TTK: variants seen among roughly 807,000 people sequenced by gnomAD.
The protein encoded by TTK is TTK protein kinase, also known as dual specificity protein kinase TTK.
A neutral mutation model predicts 117.3 loss-of-function variants in TTK; 59 were observed. The ratio of observed to expected loss-of-function variants is 0.50; its 90% CI spans 0.41 to 0.62. TTK has a LOEUF of 0.62. Ranked by LOEUF, TTK falls within the 20% of genes least tolerant of loss-of-function variation. The probability of loss-of-function intolerance (pLI) is 0.00; values close to 1 mark genes in which losing one functional copy is unlikely to be tolerated. For missense variants in TTK, 921 were observed against 989.4 expected (o/e 0.93, Z 0.93); for synonymous variants, 302 against 325.0 (o/e 0.93, Z 0.76).
chr6:80,033,286 A>G (rs1767806580), intron 14 of TTK, among the ~76,000 whole-genome samples: 3 of 152,008 alleles, frequency 2.0e-5, no homozygotes, highest in Admixed American at 6.6e-5. Context: ...ATGACATCCT[A>G]TTTTCCTCTA....
rs951596710 is a variant in TTK at position 80,011,047 on chromosome 6, T to G, written c.613+90T>G. ...ATAATTTATAGAAAAATATTATTTATGTAGAATGGTTAAAATCTAAGATTA... is the reference window on the plus strand; with the variant it reads ...ATAATTTATAGAAAAATATTATTTAGGTAGAATGGTTAAAATCTAAGATTA... On this transcript the variant is annotated intron_variant, in intron 5 of 21. Transcript: ENST00000369798. 2.5e-5 allele frequency: 34 copies of G among 1,371,300 alleles called. No individual in the cohort carries two copies. In the African/African-American group the frequency reaches 4.9e-4, roughly 20 times the overall value. 84.9% of individuals were successfully genotyped at this position (1,371,300 alleles called of 1,614,324 possible). A position where few individuals can be genotyped will look rare whatever the true frequency, so the allele number is the denominator to read the frequency against.
At chr6:80,027,331 C>T (rs1216996304) in intron 12 of TTK, among the ~76,000 whole-genome samples, 4 of 151,962 alleles carry the variant, frequency 2.6e-5, no homozygotes, top group Admixed American at 6.6e-5. Flanking sequence ...ACTAAAATAG[C>T]GATAATAGAT....
chr6:80,036,732 A>G, intron 17 of TTK, 133 bp downstream of exon 17: 1 of 987,930 alleles, frequency 1.0e-6, no homozygotes, highest in East Asian at 2.9e-5. Flanking sequence ...TAATAAGAAT[A>G]GATTTAAAAA....
chr6:80,023,360 A>T (rs998190463), intron 11 of TTK, among the ~76,000 whole-genome samples: 1 of 152,214 alleles, frequency 6.6e-6, no homozygotes, highest in East Asian at 1.9e-4. Context: ...TTGGGAGGCC[A>T]AGGCGGGCAG....
chr6:80,027,445 A>T (rs1767635370), intron 12 of TTK, among the ~76,000 whole-genome samples: 1 of 152,200 alleles, frequency 6.6e-6, no homozygotes. Flanking sequence ...GCAAAAAGGC[A>T]AACAAAGCAC....
At chr6:80,008,796 G>A (rs73747963) in intron 4 of TTK, among the ~76,000 whole-genome samples, 10,521 of 152,028 alleles carry the variant, frequency 0.069, 409 homozygotes, top group South Asian at 0.12. Flanking sequence ...GTAGGAAGAA[G>A]GATATCAGAT....
chr6:80,028,789 A>T (rs907338518), intron 13 of TTK, among the ~76,000 whole-genome samples: 2 of 152,166 alleles, frequency 1.3e-5, no homozygotes, highest in Non-Finnish European at 2.9e-5. Flanking sequence ...TTTTTTGCTG[A>T]TGAGGCAAAA....
At position 80,005,981 on chromosome 6, in the gene TTK, A is replaced by T. The variant is rs752406282; in HGVS notation, c.138A>T (p.Thr46=). The T allele has an allele frequency of 1.9e-6, 3 of 1,601,386 alleles. No individual in the cohort carries two copies. The change falls in exon 2 of 22, where the codon ACA becomes ACT. Residue 46 remains threonine (T), a splice_region_variant and synonymous_variant. Coordinates refer to ENST00000369798, the MANE Select transcript of TTK (RefSeq NM_003318.5). The part of the protein sequence containing the change: ...LSLNKISADT[T]DNSGTVNQIM... ...TGAATAAAATTTCTGCTGATACTAC[A>T]GGTGAGTTTTTCTTTTCTTTTAAGT...
At position 80,022,473 on chromosome 6, in the gene TTK, G is replaced by C; in HGVS notation, c.1257+1G>C. 6.2e-7 allele frequency: 1 copy of C among 1,611,782 alleles called. No individual in the cohort carries two copies. The highest frequency in any genetic ancestry group is 8.5e-7 in the Non-Finnish European group (1 of 1,179,366). On this transcript the variant is annotated splice_donor_variant, in intron 11 of 21. Transcript: ENST00000369798. LOFTEE classifies it high-confidence loss of function. Reference sequence around the variant, plus strand: ...GTTAGCCCGAAAAGTTAATACAGAGGTAACTTTTCCACTAAAGTACAATAT... The same window carrying C: ...GTTAGCCCGAAAAGTTAATACAGAGCTAACTTTTCCACTAAAGTACAATAT...
At chr6:80,040,508 T>G (rs1410858045) in intron 20 of TTK, 98 bp from the exon 21 acceptor site, 1 of 1,079,042 alleles carries the variant, frequency 9.3e-7, no homozygotes, top group East Asian at 2.6e-5. Context: ...AGTGATAAAT[T>G]ATAAGAATAT....
At chr6:80,025,284 C>T (rs1767576232) in intron 11 of TTK, among the ~76,000 whole-genome samples, 2 of 152,084 alleles carry the variant, frequency 1.3e-5, no homozygotes, top group African/African-American at 4.8e-5. Flanking sequence ...TGAGCACAGA[C>T]ACACGAAGTC....
rs1369410864 is a variant in TTK, at chr6:80,035,324, A to G, written c.1831A>G (p.Ser611Gly). The change falls in exon 16 of 22, where the codon AGT (serine) becomes GGT (glycine). Residue 611 changes from serine to glycine, a missense_variant. Ser to Gly is a moderately conservative substitution (Grantham distance 56, BLOSUM62 0). Transcript: ENST00000369798. ...VMECGNIDLNSWLKKKKSIDP... is the reference protein window; with the variant it reads ...VMECGNIDLNGWLKKKKSIDP... ...GGAGTGTGGAAATATTGATCTTAAT[A>G]GTTGGCTTAAAAAGAAAAAATCCAT... 10 of 1,612,506 alleles carry G rather than the reference A, an allele frequency of 6.2e-6. No individual in the cohort carries two copies. Among genetic ancestry groups the G allele is most frequent in the Non-Finnish European group, 8.5e-6 (10 of 1,179,266 alleles).
chr6:80,024,999 T>G (rs1348836808), intron 11 of TTK, among the ~76,000 whole-genome samples: 2 of 152,214 alleles, frequency 1.3e-5, no homozygotes, highest in Non-Finnish European at 2.9e-5. Context: ...TCCCAACAAC[T>G]GTCATTGTTT....
intron 5 of TTK, 115 bp downstream of exon 5, chr6:80,011,072 A>C (rs1767133957): frequency 7.8e-7 from 1 of 1,284,086 alleles, no homozygotes; most frequent in Non-Finnish European, 1.0e-6. Flanking sequence ...ATCTAAGATT[A>C]AATTGTAAAG....
intron 16 of TTK, 38 bp downstream of exon 16, chr6:80,035,455 C>G (rs375584472): frequency 1.3e-6 from 2 of 1,547,314 alleles, no homozygotes; most frequent in Non-Finnish European, 8.7e-7. Context: ...AGGTTAAAAT[C>G]TTTGTTAATA....
chr6:80,014,705 C>A, intron 10 of TTK, 119 bp downstream of exon 10: 2 of 1,088,656 alleles, frequency 1.8e-6, no homozygotes, highest in Non-Finnish European at 2.5e-6. Context: ...GTTCTTTTAT[C>A]TTGAATTTCC....
In TTK at chr6:80,008,539, T is replaced by C. The variant is rs74795980; in HGVS notation, c.469+47T>C. The stretch of plus-strand genomic sequence containing the variant: ...CAAATTTTAAGTAAAGGATAACTTA[T>C]TACAACTTACTTCCTAATATTAAAT... On this transcript the variant is annotated intron_variant, in intron 4 of 21. Coordinates refer to ENST00000369798, the MANE Select transcript of TTK (RefSeq NM_003318.5). The C allele has an allele frequency of 2.7e-3, 4,011 of 1,494,242 alleles. 97 individuals carry two copies. The African/African-American group carries it at 0.05, about 19-fold the overall frequency. The allele number at this position is 1,494,242 out of a possible 1,614,324, so 92.6% of individuals were successfully genotyped here. A position where few individuals can be genotyped will look rare whatever the true frequency, so the allele number is the denominator to read the frequency against.
Position 80,010,800 on chromosome 6 carries a change from T to A in TTK, c.470-14T>A, listed in dbSNP as rs1767123836. The A allele has an allele frequency of 6.2e-7, 1 of 1,603,374 alleles. No homozygotes were observed. The highest frequency in any genetic ancestry group is 1.1e-5 in the South Asian group (1 of 89,924). ...TTACTGCCTAAAAATGACAATTATC[T>A]TTTGCTTTGTTAGGTAATGTCAAAA... On this transcript the variant is annotated splice_polypyrimidine_tract_variant and intron_variant, in intron 4 of 21. Transcript: ENST00000369798.
chr6:80,005,641 A>G (rs1340424036), intron 1 of TTK, among the ~76,000 whole-genome samples: 2 of 152,220 alleles, frequency 1.3e-5, no homozygotes, highest in African/African-American at 2.4e-5. Flanking sequence ...TACTTGGCCT[A>G]TGAAACCTTG....
Sources: allele counts gnomAD v4.1 joint callset (sites outside exome capture counted in the v4.1 genomes callset), GRCh38; gene constraint gnomAD v4.1.1; transcripts MANE v1.5; gene names NCBI Gene and HGNC (gene_info 2026-07-23, HGNC 2026-07-21).